Variants in LYRM4 observed in about 807,000 individuals in gnomAD.
LYRM4 encodes the protein LYR motif containing 4.
LYRM4 carries 9 observed loss-of-function variants against 11.7 expected under a neutral mutation model. That is an observed-to-expected ratio of 0.77 (90% confidence interval 0.46 to 1.34). LYRM4 has a LOEUF of 1.34. LYRM4 is among the 40% of genes most tolerant of loss of function. LYRM4 has a pLI of 0.00. For missense variants in LYRM4, 133 were observed against 112.5 expected (o/e 1.18, Z -0.82); for synonymous variants, 42 against 40.4 (o/e 1.04, Z -0.15).
chr6:5,237,886 G>C (rs1256687648), intron 1 of LYRM4, among the ~76,000 whole-genome samples: 1 of 152,154 alleles, frequency 6.6e-6, no homozygotes, highest in Non-Finnish European at 1.5e-5. Context: ...GAGCATAAGA[G>C]AATGTCTTCC....
chr6:5,097,509 T>C, the LYRM4 span, among the ~76,000 whole-genome samples: 1 of 152,140 alleles, frequency 6.6e-6, no homozygotes, highest in Admixed American at 6.5e-5. Context: ...CCACCGCACC[T>C]GGATCATTTT....
At chr6:5,065,126 C>T in the LYRM4 span, among the ~76,000 whole-genome samples, 2 of 152,092 alleles carry the variant, frequency 1.3e-5, no homozygotes, top group Non-Finnish European at 2.9e-5. Context: ...CAGTATATAG[C>T]CTTTCCAGGC....
chr6:5,113,313 T>A (rs1274485209), intron 2 of LYRM4: 2 of 449,218 alleles, frequency 4.5e-6, no homozygotes, highest in South Asian at 3.1e-5. Flanking sequence ...TAATCCCAGC[T>A]ACTCAGGAGG....
intron 2 of LYRM4, among the ~76,000 whole-genome samples, chr6:5,127,648 G>C (rs1763756813): frequency 6.6e-6 from 1 of 152,050 alleles, no homozygotes; most frequent in South Asian, 2.1e-4. Context: ...TTTTTGTATT[G>C]CTTAAATGAC....
chr6:5,163,123 T>C (rs551417130), intron 2 of LYRM4, among the ~76,000 whole-genome samples: 1 of 152,336 alleles, frequency 6.6e-6, no homozygotes, highest in South Asian at 2.1e-4. Flanking sequence ...GTTCACTCTT[T>C]TGTGTCCTGT....
intron 2 of LYRM4, among the ~76,000 whole-genome samples, chr6:5,147,314 C>T (rs776726430): frequency 6.6e-6 from 1 of 152,102 alleles, no homozygotes; most frequent in South Asian, 2.1e-4. Flanking sequence ...AGGAAGTAAA[C>T]GTGTGTAGTT....
chr6:5,101,715 C>T (rs1257334899), downstream of LYRM4, among the ~76,000 whole-genome samples: 2 of 152,098 alleles, frequency 1.3e-5, no homozygotes, highest in East Asian at 1.9e-4. Context: ...TAGAGTCCCT[C>T]GTACATGAAG....
rs1026254647 is a variant in LYRM4 at position 5,235,306 on chromosome 6, C to A, written c.87-18568G>T. On this transcript the variant is annotated intron_variant, in intron 1 of 2. Transcript: ENST00000330636. ...TACAGGCATGAGCCACTGCGCCTGGCACACTGTAATTTTTTATTTAATTAA... is the reference window on the plus strand; with the variant it reads ...TACAGGCATGAGCCACTGCGCCTGGAACACTGTAATTTTTTATTTAATTAA... Among the ~76,000 whole-genome samples the A allele has an allele frequency of 9.2e-5, 14 of 152,288 alleles. No homozygotes were observed. In the East Asian group the frequency reaches 2.5e-3, roughly 27 times the overall value.
intron 2 of LYRM4, among the ~76,000 whole-genome samples, chr6:5,109,952 C>A (rs1010783771): frequency 6.6e-6 from 1 of 152,204 alleles, no homozygotes; most frequent in African/African-American, 2.4e-5. Context: ...GACACCTGTC[C>A]GTGGCCCATC....
the LYRM4 span, chr6:5,087,058 T>C: frequency 6.5e-6 from 1 of 155,028 alleles, no homozygotes; most frequent in East Asian, 1.9e-4. Flanking sequence ...GCGTGGGACC[T>C]TTACACCCCA....
intron 1 of LYRM4, among the ~76,000 whole-genome samples, chr6:5,244,566 A>C (rs1022501752): frequency 3.3e-5 from 5 of 152,124 alleles, no homozygotes; most frequent in Non-Finnish European, 7.4e-5. Context: ...CTAGTTTGTG[A>C]GTTCAGCCAG....
chr6:5,110,436 T>A (rs1435615269), intron 2 of LYRM4, among the ~76,000 whole-genome samples: 1 of 152,204 alleles, frequency 6.6e-6, no homozygotes, highest in Non-Finnish European at 1.5e-5. Context: ...CAGTGCTCTG[T>A]CACCAAGGAC....
At chr6:5,125,679 C>A (rs918771756) in intron 2 of LYRM4, among the ~76,000 whole-genome samples, 1 of 152,180 alleles carries the variant, frequency 6.6e-6, no homozygotes, top group African/African-American at 2.4e-5. Flanking sequence ...TGTTTAGGGA[C>A]AAGACGTTCT....
the LYRM4 span, among the ~76,000 whole-genome samples, chr6:5,058,918 A>G: frequency 6.6e-6 from 1 of 152,236 alleles, no homozygotes; most frequent in Non-Finnish European, 1.5e-5. Context: ...TGAAAAAGTA[A>G]TAAAAGCACA....
intron 2 of LYRM4, among the ~76,000 whole-genome samples, chr6:5,152,136 T>G (rs1758123104): frequency 6.6e-6 from 1 of 152,200 alleles, no homozygotes; most frequent in Non-Finnish European, 1.5e-5. Flanking sequence ...GAAAGGACCT[T>G]AGAGAAAAAT....
chr6:5,140,773 C>G (rs1207101864), intron 2 of LYRM4, among the ~76,000 whole-genome samples: 1 of 152,190 alleles, frequency 6.6e-6, no homozygotes, highest in Non-Finnish European at 1.5e-5. Flanking sequence ...CTTTATGTTA[C>G]GTATATTTTG....
At chr6:5,084,473 A>G in the LYRM4 span, 1 of 151,904 alleles carries the variant, frequency 6.6e-6, no homozygotes, top group African/African-American at 2.4e-5. Flanking sequence ...CGCCGGCCCC[A>G]CGGGGCCCCC....
chr6:5,184,032 A>G (rs1243750006), intron 2 of LYRM4, among the ~76,000 whole-genome samples: 1 of 152,196 alleles, frequency 6.6e-6, no homozygotes, highest in Admixed American at 6.5e-5. Context: ...AATACATACA[A>G]TTTTTACTTG....
At chr6:5,094,599 C>T in the LYRM4 span, among the ~76,000 whole-genome samples, 158 of 152,358 alleles carry the variant, frequency 1.0e-3, 2 homozygotes, top group Non-Finnish European at 1.6e-4. Context: ...TGTTTATTTA[C>T]ACTGAGAACT....
Sources: allele counts gnomAD v4.1 joint callset (sites outside exome capture counted in the v4.1 genomes callset), GRCh38; gene constraint gnomAD v4.1.1; transcripts MANE v1.5; gene names NCBI Gene and HGNC (gene_info 2026-07-23, HGNC 2026-07-21).